Variants in DOP1B observed in about 807,000 individuals in gnomAD.
The protein encoded by DOP1B is protein DOP1B.
Under a neutral mutation model 233.5 loss-of-function variants are expected in DOP1B, and 174 were observed. The observed-to-expected ratio is 0.75, with a 90% confidence interval of 0.66 to 0.85. The LOEUF is 0.85. Ranked by LOEUF, DOP1B falls within the 40% of genes least tolerant of loss-of-function variation. DOP1B has a pLI of 0.00. For missense variants in DOP1B, 2,652 were observed against 2,846.6 expected (o/e 0.93, Z 1.56); for synonymous variants, 1,190 against 1,185.6 (o/e 1.00, Z -0.08).
At chr21:36,198,705 A>C (rs1476213030) in intron 2 of DOP1B, among the ~76,000 whole-genome samples, 1 of 152,176 alleles carries the variant, frequency 6.6e-6, no homozygotes, top group Non-Finnish European at 1.5e-5. Context: ...ACCATCTCCA[A>C]CTGGTAGAAA....
At chr21:36,196,278 A>C (rs1265334244) in intron 2 of DOP1B, among the ~76,000 whole-genome samples, 1 of 152,212 alleles carries the variant, frequency 6.6e-6, no homozygotes, top group Non-Finnish European at 1.5e-5. Flanking sequence ...TCCATGGAGA[A>C]AGCTTGTTAG....
At position 36,237,348 on chromosome 21, in the gene DOP1B, C is replaced by G; in HGVS notation, c.2709C>G (p.His903Gln). ...GCGTAGAATTGTTCTACCGGCTGCA[C>G]TGCCTGGCCCCTACGGCCAACATCT... Reference protein sequence around the residue: ...VTCVELFYRLHCLAPTANICE... With the variant: ...VTCVELFYRLQCLAPTANICE... Residue 903 changes from histidine (H) to glutamine (Q), a missense_variant, in exon 16 of 37, where the codon CAC becomes CAG. Physicochemically the swap from His to Gln is conservative, Grantham distance 24. This residue lies in a region of DOP1B where 2,617 missense variants were observed against 2,794.3 expected (regional missense o/e 0.94). Coordinates refer to ENST00000691173, the MANE Select transcript of DOP1B (RefSeq NM_001320714.2). 6.2e-7 allele frequency: 1 copy of G among 1,614,234 alleles called. No individual in the cohort carries two copies. Among genetic ancestry groups the G allele is most frequent in the Non-Finnish European group, 8.5e-7 (1 of 1,180,050 alleles).
chr21:36,176,206 C>T (rs956235849), intron 2 of DOP1B, among the ~76,000 whole-genome samples: 4 of 152,022 alleles, frequency 2.6e-5, no homozygotes, highest in Non-Finnish European at 5.9e-5. Flanking sequence ...GCCAAGAGCT[C>T]TGCACCAGCT....
At chr21:36,249,535 C>CA (rs767148196) in intron 21 of DOP1B, among the ~76,000 whole-genome samples, 1 of 152,200 alleles carries the variant, frequency 6.6e-6, no homozygotes, top group Non-Finnish European at 1.5e-5. Context: ...CGAGACAGCT[C>CA]ATCTCTGTTC....
chr21:36,290,791 C>T (rs369381355), intron 35 of DOP1B, among the ~76,000 whole-genome samples: 45 of 131,480 alleles, frequency 3.4e-4, no homozygotes, highest in Non-Finnish European at 2.6e-4. Flanking sequence ...AAGCGAGACT[C>T]CATCTCAAAA....
chr21:36,168,939 A>G, intron 2 of DOP1B: 1 of 628,092 alleles, frequency 1.6e-6, no homozygotes, highest in South Asian at 1.7e-5. Context: ...TTTTATTGAG[A>G]CCCCACCAGG....
At chr21:36,280,227 T>C (rs2067400716) in intron 30 of DOP1B, 58 bp from the exon 31 acceptor site, 2 of 1,270,130 alleles carry the variant, frequency 1.6e-6, no homozygotes, top group Non-Finnish European at 2.3e-6. Flanking sequence ...TCTTAATGTT[T>C]TGAATCAAAC....
chr21:36,239,128 A>G (rs928097239), intron 17 of DOP1B, among the ~76,000 whole-genome samples: 1 of 152,190 alleles, frequency 6.6e-6, no homozygotes, highest in East Asian at 1.9e-4. Context: ...TGACCCCTGC[A>G]CATGACCCCT....
intron 27 of DOP1B, among the ~76,000 whole-genome samples, chr21:36,276,400 G>T (rs971604154): frequency 1.3e-5 from 2 of 152,038 alleles, no homozygotes; most frequent in African/African-American, 4.8e-5. Flanking sequence ...GCGTGGTGAT[G>T]TGTGCCTGTG....
chr21:36,185,742 C>T (rs898142564), intron 2 of DOP1B, among the ~76,000 whole-genome samples: 1 of 152,134 alleles, frequency 6.6e-6, no homozygotes, highest in Non-Finnish European at 1.5e-5. Context: ...TAAACTTCCT[C>T]TATGGGAAGA....
intron 4 of DOP1B, 57 bp downstream of exon 4, chr21:36,200,558 A>G: frequency 6.6e-7 from 1 of 1,525,718 alleles, no homozygotes; most frequent in East Asian, 2.3e-5. Context: ...AGACGCGGGG[A>G]GGGGGCCGGG....
intron 26 of DOP1B, among the ~76,000 whole-genome samples, chr21:36,264,605 C>T (rs565785067): frequency 1.3e-5 from 2 of 151,948 alleles, no homozygotes; most frequent in Non-Finnish European, 2.9e-5. Context: ...TCCCAAGTAG[C>T]TGAGATTACA....
chr21:36,269,957 C>G, intron 26 of DOP1B, 56 bp from the exon 27 acceptor site: 1 of 1,589,242 alleles, frequency 6.3e-7, no homozygotes, highest in Non-Finnish European at 8.6e-7. Flanking sequence ...GTTTTAGGCA[C>G]TTAACATTCT....
At chr21:36,177,776 C>T (rs947588788) in intron 2 of DOP1B, among the ~76,000 whole-genome samples, 2 of 152,216 alleles carry the variant, frequency 1.3e-5, no homozygotes, top group African/African-American at 4.8e-5. Flanking sequence ...CAGAGAGTCT[C>T]CACCAGCAAG....
At chr21:36,287,576 ATTCTTTTTTTT>A (rs2067499388) in intron 32 of DOP1B, among the ~76,000 whole-genome samples, 1 of 109,368 alleles carries the variant, frequency 9.1e-6, no homozygotes, top group Non-Finnish European at 1.9e-5. Flanking sequence ...ATCTCCTAAC[ATTCTTTTTTTT>A]TTTTTTTTTT....
rs374457797 is a variant in DOP1B, at chr21:36,246,590, C to T, written c.4610C>T (p.Thr1537Met). 2.4e-5 allele frequency: 39 copies of T among 1,614,010 alleles called. No homozygotes were observed. The highest frequency in any genetic ancestry group is 5.5e-5 in the South Asian group (5 of 91,094). The change falls in exon 19 of 37, where the codon ACG becomes ATG. Residue 1537 changes from threonine to methionine, a missense_variant. Transcript: ENST00000691173. This position sits in a 1 kb window ranked among gnomAD's most constrained non-coding sequence, Gnocchi z 5.1. Reference protein sequence around the residue: ...LPYFGKSLGWTVTPFVVQICK... With the variant: ...LPYFGKSLGWMVTPFVVQICK... ...TACTTCGGAAAGTCCCTGGGCTGGA[C>T]GGTGACACCCTTTGTTGTCCAGATT...
rs58401743 is a variant in DOP1B, at chr21:36,246,843, A to ATTATGTTATG, written c.4697+211_4697+220dup. Reference sequence around the variant, plus strand: ...AACAAGCAACTAAATGTTCTGATCCATTATGTTATGTTATGTTATGTTATG... The same window carrying ATTATGTTATG: ...AACAAGCAACTAAATGTTCTGATCCATTATGTTATGTTATGTTATGTTATGTTATGTTATG... On this transcript the variant is annotated intron_variant, in intron 19 of 36. Transcript: ENST00000691173. The surrounding 1 kb of genome is among the most constrained non-coding windows in gnomAD (Gnocchi z 5.1). Among the ~76,000 whole-genome samples the ATTATGTTATG allele has an allele frequency of 0.044, 6,441 of 146,956 alleles. 201 individuals carry two copies. The highest frequency in any genetic ancestry group is 0.089 in the African/African-American group (3,524 of 39,380).
At chr21:36,196,172 C>A (rs978025328) in intron 2 of DOP1B, among the ~76,000 whole-genome samples, 2 of 152,134 alleles carry the variant, frequency 1.3e-5, no homozygotes, top group Non-Finnish European at 2.9e-5. Context: ...GTATAATGAG[C>A]AAAAATGAGA....
rs564275987 is a variant in DOP1B, at chr21:36,244,550, G to A, written c.3068-498G>A. ...AATGATTCTCCTGCCTCAGCCTCCCGAGTAGCTGGAATTACAAGCACCTGC... is the reference window on the plus strand; with the variant it reads ...AATGATTCTCCTGCCTCAGCCTCCCAAGTAGCTGGAATTACAAGCACCTGC... On this transcript the variant is annotated intron_variant, in intron 18 of 36. Transcript: ENST00000691173. Among the ~76,000 whole-genome samples, 19 of 151,934 alleles carry A rather than the reference G, an allele frequency of 1.3e-4. 1 individual carries two copies. Among genetic ancestry groups the A allele is most frequent in the East Asian group, 1.2e-3 (6 of 5,142 alleles).
Sources: gnomAD v4.1 joint callset for allele counts (sites outside exome capture counted in the v4.1 genomes callset) on GRCh38, gnomAD v4.1.1 for gene constraint, gnomAD v4.1.1 regional missense constraint, Gnocchi (gnomAD v3.1) non-coding constraint, MANE v1.5 for transcripts, NCBI Gene and HGNC (gene_info 2026-07-23, HGNC 2026-07-21) for gene names.